SPAG11B: variants seen among roughly 807,000 people sequenced by gnomAD.
SPAG11B encodes the protein sperm associated antigen 11B.
SPAG11B carries 5 observed loss-of-function variants against 8.9 expected under a neutral mutation model. The ratio of observed to expected loss-of-function variants is 0.56; its 90% CI spans 0.29 to 1.19. The LOEUF (loss-of-function observed/expected upper bound fraction) is 1.19. SPAG11B is among the 50% of genes most tolerant of loss of function. The probability of loss-of-function intolerance (pLI) is 0.08; values close to 1 mark genes in which losing one functional copy is unlikely to be tolerated. For missense variants in SPAG11B, 38 were observed against 146.4 expected, an observed-to-expected ratio of 0.26 and a Z score of 3.82; for synonymous variants, 12 against 53.0, an observed-to-expected ratio of 0.23 and a Z score of 3.36.
chr8:7,452,184 A>T, intron 2 of SPAG11B: 1 of 40,048 alleles, frequency 2.5e-5, no homozygotes, highest in Non-Finnish European at 4.6e-5. Context: ...ACACATCTAC[A>T]CACTGTCCAT....
chr8:7,449,793 C>T (rs1810011437), downstream of SPAG11B, among the ~76,000 whole-genome samples: 1 of 143,536 alleles, frequency 7.0e-6, no homozygotes, highest in East Asian at 2.0e-4. Context: ...GCGACAGAAA[C>T]AGGAACACAG....
rs1221610869 is a variant in SPAG11B at position 7,450,915 on chromosome 8, G to A, written c.215-15C>T. 1.9e-6 allele frequency: 3 copies of A among 1,551,418 alleles called. No homozygotes were observed. Among genetic ancestry groups the A allele is most frequent in the South Asian group, 2.3e-5 (2 of 87,696 alleles). On this transcript the variant is annotated splice_polypyrimidine_tract_variant and intron_variant, in intron 2 of 2. Coordinates refer to ENST00000398462, the MANE Select transcript of SPAG11B (RefSeq NM_058201.4). ...TGGAACATCCCCTATGGATACAACA[G>A]AAGAGAGTTGACATTTAACTCATAT... is the stretch of plus-strand genomic sequence containing the variant.
In SPAG11B at chr8:7,450,833, G is replaced by T. The variant is rs1392225161; in HGVS notation, c.282C>A (p.Phe94Leu). 1.2e-5 allele frequency: 20 copies of T among 1,604,868 alleles called. No homozygotes were observed. In the African/African-American group the frequency reaches 1.9e-4, roughly 16 times the overall value. Residue 94 changes from phenylalanine to leucine, a missense_variant, in exon 3 of 3, where the codon TTC becomes TTA. Coordinates refer to ENST00000398462, the MANE Select transcript of SPAG11B (RefSeq NM_058201.4). The stretch of plus-strand genomic sequence containing the variant: ...CACGCTTTTTCTCACCAGAATGGCA[G>T]AAAAAAAGTCTGCAGATCCCTTGCT... ...HMQQGICRLF[F>L]CHSGEKKRDI...
intron 2 of SPAG11B, among the ~76,000 whole-genome samples, chr8:7,458,674 TAAAA>T (rs750698777): frequency 1.2e-5 from 1 of 82,410 alleles, no homozygotes; most frequent in African/African-American, 5.2e-5. Context: ...CCAAAAATAG[TAAAA>T]AAAAAAAAAA....
chr8:7,450,776 G>A lies in SPAG11B; in HGVS notation c.339C>T (p.Cys113=), dbSNP rs372253455. 19 of 1,608,692 alleles carry A rather than the reference G, an allele frequency of 1.2e-5. No individual in the cohort carries two copies. Among genetic ancestry groups the A allele is most frequent in the South Asian group, 3.3e-5 (3 of 90,800 alleles). The change falls in exon 3 of 3, where the codon TGC becomes TGT. Residue 113 remains cysteine (C), a synonymous_variant. Coordinates refer to ENST00000398462, the MANE Select transcript of SPAG11B (RefSeq NM_058201.4). ...DICSDPWNRC[C]VSNTDEEGKE... ...TTCCTTCTTCATCTGTATTTGATACGCAACACCTATTCCAGGGATCAGAGC... is the reference window on the plus strand; with the variant it reads ...TTCCTTCTTCATCTGTATTTGATACACAACACCTATTCCAGGGATCAGAGC...
Position 7,451,136 on chromosome 8 carries a change from G to T in SPAG11B, c.215-236C>A, listed in dbSNP as rs776643643. 7.1e-6 allele frequency: 11 copies of T among 1,558,696 alleles called. 3 individuals are homozygous for T. The African/African-American group carries it at 1.3e-4, about 19-fold the overall frequency. On this transcript the variant is annotated intron_variant, in intron 2 of 2. Transcript: ENST00000398462. ...TATGAATGCTCACCTGGCCCATCTA[G>T]GCCCTAAAAAGTCCACACAGATCCT... is the stretch of plus-strand genomic sequence containing the variant.
intron 2 of SPAG11B, among the ~76,000 whole-genome samples, chr8:7,453,373 G>A (rs1810300694): frequency 6.7e-6 from 1 of 149,222 alleles, no homozygotes; most frequent in East Asian, 1.9e-4. Flanking sequence ...AAGTGAGAAG[G>A]ATGTCTTCTC....
Position 7,450,949 on chromosome 8 carries a change from G to C in SPAG11B, c.215-49C>G, listed in dbSNP as rs776286770. 9.7e-6 allele frequency: 15 copies of C among 1,540,636 alleles called. 1 individual carries two copies. Among genetic ancestry groups the C allele is most frequent in the Non-Finnish European group, 1.3e-5 (15 of 1,134,626 alleles). ...TGACATTTAACTCATATAGTGCAGAGAATAGAAGATGACCCCAGCCCGCTG... is the reference window on the plus strand; with the variant it reads ...TGACATTTAACTCATATAGTGCAGACAATAGAAGATGACCCCAGCCCGCTG... On this transcript the variant is annotated intron_variant, in intron 2 of 2. Transcript: ENST00000398462.
At chr8:7,451,225 G>T (rs779975809) in intron 2 of SPAG11B, 1 of 1,491,420 alleles carries the variant, frequency 6.7e-7, no homozygotes, top group Non-Finnish European at 9.2e-7. Flanking sequence ...GGGAGTTTTG[G>T]AAAACAGAAG....
At chr8:7,450,370 T>C (rs1228243453), downstream of SPAG11B, among the ~76,000 whole-genome samples, 1 of 146,484 alleles carries the variant, frequency 6.8e-6, no homozygotes, top group Admixed American at 6.9e-5. Flanking sequence ...CTGGGTGTGG[T>C]AAGAAAGATG....
At chr8:7,449,935 T>G (rs1810019259), downstream of SPAG11B, among the ~76,000 whole-genome samples, 1 of 134,034 alleles carries the variant, frequency 7.5e-6, no homozygotes, top group African/African-American at 3.0e-5. Flanking sequence ...GAATTAGTAT[T>G]CAACAAATTC....
intron 2 of SPAG11B, among the ~76,000 whole-genome samples, chr8:7,453,854 T>C (rs147627125): frequency 0.012 from 1,698 of 142,108 alleles, 28 homozygotes; most frequent in African/African-American, 0.047. Context: ...AAATCACCTT[T>C]GAAGTTAAGA....
chr8:7,454,096 A>AG lies in SPAG11B; in HGVS notation c.215-3197_215-3196insC, dbSNP rs1423166347. 2.0e-4 allele frequency among the ~76,000 whole-genome samples: 24 copies of AG among 122,434 alleles called. 2 individuals are homozygous for AG. Among genetic ancestry groups the AG allele is most frequent in the Admixed American group, 5.6e-4 (7 of 12,562 alleles). 80.3% of individuals were successfully genotyped at this position (122,434 alleles called of 152,430 possible). A position where few individuals can be genotyped will look rare whatever the true frequency, so the allele number is the denominator to read the frequency against. On this transcript the variant is annotated intron_variant, in intron 2 of 2. Transcript: ENST00000398462. ...CTGAAATCTCTCAAAAAAAAAAAAA[A>AG]AAAGAAAGAAAGAAAGAAAAGCAAT...
chr8:7,453,796 G>A (rs1204020830), intron 2 of SPAG11B, among the ~76,000 whole-genome samples: 1 of 148,496 alleles, frequency 6.7e-6, no homozygotes, highest in African/African-American at 2.6e-5. Flanking sequence ...GCAGGACAAT[G>A]TGCCCTGGCA....
At chr8:7,449,562 A>G (rs1466256775), downstream of SPAG11B, among the ~76,000 whole-genome samples, 1 of 149,918 alleles carries the variant, frequency 6.7e-6, no homozygotes, top group Non-Finnish European at 1.5e-5. Context: ...GCCTGTGCCT[A>G]AGAGAGACTT....
chr8:7,457,187 T>C (rs1422942013), intron 2 of SPAG11B, among the ~76,000 whole-genome samples: 2 of 150,214 alleles, frequency 1.3e-5, no homozygotes, highest in Admixed American at 1.3e-4. Flanking sequence ...GTTAACTCTG[T>C]GAGTTTCTGG....
At chr8:7,458,727 G>T (rs1318065697) in intron 2 of SPAG11B, among the ~76,000 whole-genome samples, 2 of 114,562 alleles carry the variant, frequency 1.7e-5, no homozygotes, top group Non-Finnish European at 3.6e-5. Context: ...ATAAATATCT[G>T]CAAAGTAGAG....
At chr8:7,451,059 G>A in intron 2 of SPAG11B, 159 bp from the exon 3 acceptor site, 4 of 1,503,446 alleles carry the variant, frequency 2.7e-6, no homozygotes, top group East Asian at 2.3e-5. Flanking sequence ...CTTTAAAACA[G>A]GAACGATAAT....
At chr8:7,453,388 A>G (rs2740033) in intron 2 of SPAG11B, among the ~76,000 whole-genome samples, 29,167 of 140,872 alleles carry the variant, frequency 0.21, 243 homozygotes, top group East Asian at 0.34. Context: ...CTTCTCTCCT[A>G]TCCCCCTGGG....
Sources: gnomAD v4.1 joint callset for allele counts (sites outside exome capture counted in the v4.1 genomes callset) on GRCh38, gnomAD v4.1.1 for gene constraint, MANE v1.5 for transcripts, NCBI Gene and HGNC (gene_info 2026-07-23, HGNC 2026-07-21) for gene names.